The following FIG4 variants were observed in gnomAD, a reference collection of about 807,000 sequenced individuals.
FIG4 encodes polyphosphoinositide phosphatase.
Under a neutral mutation model 118.6 loss-of-function variants are expected in FIG4, and 112 were observed. That is an observed-to-expected ratio of 0.94 (90% CI 0.81 to 1.11). The LOEUF (loss-of-function observed/expected upper bound fraction) is 1.11, where lower values mean the gene tolerates loss of function less well. Among genes scored for constraint, FIG4 ranks in the 50% least tolerant of loss-of-function variants. FIG4 has a pLI of 0.00. For synonymous variants in FIG4, 369 were observed against 381.2 expected (o/e 0.97, Z 0.37); for missense variants, 969 against 1,111.7 (o/e 0.87, Z 1.83).
At position 109,760,351 on chromosome 6, in the gene FIG4, T is replaced by G. The variant is rs774102800; in HGVS notation, c.1239T>G (p.Tyr413Ter). 1 of 1,613,176 alleles carries G rather than the reference T, an allele frequency of 6.2e-7. No individual in the cohort carries two copies. Among genetic ancestry groups the G allele is most frequent in the Non-Finnish European group, 8.5e-7 (1 of 1,179,136 alleles). The change falls in exon 11 of 23, where the codon TAT (tyrosine) becomes TAG (stop). Residue 413 changes from tyrosine (Y) to a stop codon, truncating the protein, a stop_gained. Coordinates refer to ENST00000230124, the MANE Select transcript of FIG4 (RefSeq NM_014845.6). LOFTEE classifies it high-confidence loss of function. ...QFLPPEHTIVYIPWDMAKYTK... is the reference protein window; with the variant it reads ...QFLPPEHTIV ...TGCCTCCTGAGCACACTATTGTTTA[T>G]ATTCCCTGGGACATGGCCAAGTATA...
chr6:109,704,207 T>G (rs1294181148), intron 1 of FIG4, among the ~76,000 whole-genome samples: 1 of 152,232 alleles, frequency 6.6e-6, no homozygotes, highest in Non-Finnish European at 1.5e-5. Context: ...TCCTTCCTGA[T>G]CCCATCTACC....
Position 109,727,274 on chromosome 6 carries a change from G to C in FIG4, c.446+9G>C. On this transcript the variant is annotated intron_variant, in intron 4 of 22. Transcript: ENST00000230124. ...CATCCTGATGAAGCTAGGTATGTATGGTGGTAACTACCTTTTTTTTTTTGG... is the reference window on the plus strand; with the variant it reads ...CATCCTGATGAAGCTAGGTATGTATCGTGGTAACTACCTTTTTTTTTTTGG... 6.4e-7 allele frequency: 1 copy of C among 1,572,904 alleles called. No homozygotes were observed. Among genetic ancestry groups the C allele is most frequent in the Non-Finnish European group, 8.6e-7 (1 of 1,165,424 alleles).
rs757645878 is a variant in FIG4 at position 109,738,352 on chromosome 6, A to G, written c.674A>G (p.Tyr225Cys). The G allele has an allele frequency of 6.2e-7, 1 of 1,608,920 alleles. No individual in the cohort carries two copies. The highest frequency in any genetic ancestry group is 1.1e-5 in the South Asian group (1 of 90,974). Residue 225 changes from tyrosine to cysteine, a missense_variant, in exon 7 of 23, where the codon TAT becomes TGT. Around this residue, in one of 3 missense-constraint regions of FIG4, gnomAD observed 393 missense variants for 409.4 expected, o/e 0.96. Transcript: ENST00000230124. ...SGVFGICSEPYMKYVWNGELL... is the reference protein window; with the variant it reads ...SGVFGICSEPCMKYVWNGELL... ...GTATTTGGGATCTGTAGTGAGCCTT[A>G]TATGAAATATGTATGGAATGGTGAA...
intron 22 of FIG4, among the ~76,000 whole-genome samples, chr6:109,822,785 A>ATGTG (rs1339456642): frequency 1.4e-4 from 3 of 22,106 alleles, no homozygotes; most frequent in African/African-American, 4.5e-4. Flanking sequence ...GTGTGTGTGT[A>ATGTG]TGTATATATA....
intron 22 of FIG4, among the ~76,000 whole-genome samples, chr6:109,803,976 C>G (rs968367595): frequency 6.6e-6 from 1 of 151,936 alleles, no homozygotes; most frequent in Admixed American, 6.6e-5. Flanking sequence ...CTAAAGGGGC[C>G]CAAGTTAAAT....
At chr6:109,810,616 A>G (rs1355731198) in intron 22 of FIG4, among the ~76,000 whole-genome samples, 1 of 152,240 alleles carries the variant, frequency 6.6e-6, no homozygotes. Context: ...CCTGTGCTGC[A>G]TACGCATTCA....
Position 109,791,436 on chromosome 6 carries a change from G to A in FIG4, c.2241G>A (p.Pro747=), listed in dbSNP as rs148589135. The A allele has an allele frequency of 8.1e-5, 130 of 1,613,584 alleles. No homozygotes were observed. The highest frequency in any genetic ancestry group is 3.3e-4 in the Middle Eastern group (2 of 6,062). The change falls in exon 20 of 23, where the codon CCG becomes CCA. Residue 747 remains proline, a synonymous_variant. Coordinates refer to ENST00000230124, the MANE Select transcript of FIG4 (RefSeq NM_014845.6). ...LQRKTAASAP[P]PPSEEAVSSS... The stretch of plus-strand genomic sequence containing the variant: ...GGAAAACGGCAGCCAGCGCCCCGCC[G>A]CCCCCCAGCGAGGAGGCTGTGTCCA...
Position 109,718,877 on chromosome 6 carries a change from T to G in FIG4, c.289+2309T>G, listed in dbSNP as rs1220402870. On this transcript the variant is annotated intron_variant, in intron 3 of 22. Transcript: ENST00000230124. ...ATATAGTAGACTCTAATTTAAATAA[T>G]AGTTACTTAATAGTTTAAGCTTAAA... is the stretch of plus-strand genomic sequence containing the variant. Among the ~76,000 whole-genome samples the G allele has an allele frequency of 3.3e-5, 5 of 152,064 alleles. No homozygotes were observed. In the East Asian group the frequency reaches 9.6e-4, roughly 29 times the overall value.
chr6:109,730,517 T>C (rs1775964422), intron 4 of FIG4, among the ~76,000 whole-genome samples: 1 of 152,212 alleles, frequency 6.6e-6, no homozygotes, highest in Admixed American at 6.5e-5. Context: ...GTAAGACCTA[T>C]AATAATTAAG....
chr6:109,753,424 G>T (rs554507759), intron 10 of FIG4, among the ~76,000 whole-genome samples: 13 of 151,492 alleles, frequency 8.6e-5, no homozygotes, highest in African/African-American at 3.2e-4. Context: ...TTGGTGATGC[G>T]GGCTCTTTTT....
chr6:109,693,019 T>C (rs1244533689), intron 1 of FIG4, among the ~76,000 whole-genome samples: 1 of 152,202 alleles, frequency 6.6e-6, no homozygotes, highest in Non-Finnish European at 1.5e-5. Context: ...ATTAAAAAGC[T>C]GATCACTCAT....
intron 1 of FIG4, among the ~76,000 whole-genome samples, chr6:109,703,108 T>A (rs1273895193): frequency 6.6e-6 from 1 of 152,104 alleles, no homozygotes; most frequent in African/African-American, 2.4e-5. Flanking sequence ...CATTTTTTTT[T>A]TAAGCCCATG....
At position 109,691,496 on chromosome 6, in the gene FIG4, A is replaced by G. The variant is rs144593588; in HGVS notation, c.61A>G (p.Arg21Gly). ...CCAGAAGCTGGTTCTGTATGAGACTAGAGCTGTGAGTACCCCCTCGCGGCG... is the reference window on the plus strand; with the variant it reads ...CCAGAAGCTGGTTCTGTATGAGACTGGAGCTGTGAGTACCCCCTCGCGGCG... ...SVQKLVLYET[R>G]ARYFLVGSNN... Residue 21 changes from arginine to glycine, a missense_variant, in exon 1 of 23, where the codon AGA becomes GGA. Arg to Gly is a moderately radical substitution (Grantham distance 125). Transcript: ENST00000230124. 16 of 1,578,520 alleles carry G rather than the reference A, an allele frequency of 1.0e-5. No individual in the cohort carries two copies. Among genetic ancestry groups the G allele is most frequent in the Non-Finnish European group, 1.2e-5 (14 of 1,161,676 alleles).
chr6:109,732,694 G>T lies in FIG4; in HGVS notation c.497+7G>T, dbSNP rs140111950. 5 of 1,532,228 alleles carry T rather than the reference G, an allele frequency of 3.3e-6. No homozygotes were observed. The highest frequency in any genetic ancestry group is 4.5e-6 in the Non-Finnish European group (5 of 1,113,608). The allele number at this position is 1,532,228 out of a possible 1,614,324, so 94.9% of individuals were successfully genotyped here. ...CTAGCAATTTTTACTTTAGGTAAGT[G>T]TGAGGTTAGTTTTGCTCCTATCAAT... On this transcript the variant is annotated splice_region_variant and intron_variant, in intron 5 of 22. Transcript: ENST00000230124.
intron 15 of FIG4, among the ~76,000 whole-genome samples, chr6:109,770,351 G>A (rs1777421233): frequency 6.6e-6 from 1 of 151,772 alleles, no homozygotes; most frequent in Non-Finnish European, 1.5e-5. Context: ...ATATACGTGT[G>A]TGTGTGTGTA....
chr6:109,707,669 A>G (rs930506040), intron 1 of FIG4, among the ~76,000 whole-genome samples: 1 of 151,680 alleles, frequency 6.6e-6, no homozygotes, highest in Admixed American at 6.6e-5. Flanking sequence ...CTGATTTCCT[A>G]TGGTCTACAT....
intron 15 of FIG4, among the ~76,000 whole-genome samples, chr6:109,771,420 C>T (rs1273035375): frequency 6.7e-6 from 1 of 149,222 alleles, no homozygotes; most frequent in East Asian, 2.0e-4. Flanking sequence ...CTTCGTGCTT[C>T]AGTGAGAAAA....
intron 16 of FIG4, among the ~76,000 whole-genome samples, chr6:109,782,730 A>G (rs907305543): frequency 6.6e-6 from 1 of 152,164 alleles, no homozygotes. Flanking sequence ...CAATTAGTCC[A>G]TGTCTTTTTC....
At chr6:109,790,309 C>T (rs1273773568) in intron 19 of FIG4, among the ~76,000 whole-genome samples, 6 of 152,154 alleles carry the variant, frequency 3.9e-5, no homozygotes, top group Admixed American at 3.9e-4. Context: ...TGTATTCTAG[C>T]TATGTGTGAT....
Sources: allele counts gnomAD v4.1 joint callset (sites outside exome capture counted in the v4.1 genomes callset), GRCh38; gene constraint gnomAD v4.1.1; regional missense constraint gnomAD v4.1.1; transcripts MANE v1.5; gene names NCBI Gene and HGNC (gene_info 2026-07-23, HGNC 2026-07-21).